PDS5A: variants seen among roughly 807,000 people sequenced by gnomAD.
The protein encoded by PDS5A is sister chromatid cohesion protein PDS5 homolog A.
Under a neutral mutation model 167.1 loss-of-function variants are expected in PDS5A, and 42 were observed. That is an observed-to-expected ratio of 0.25 (90% CI 0.20 to 0.33). The LOEUF (loss-of-function observed/expected upper bound fraction) is 0.33, where lower values mean the gene tolerates loss of function less well. Among genes scored for constraint, PDS5A ranks in the 10% least tolerant of loss-of-function variants. PDS5A has a pLI of 1.00. For missense variants in PDS5A, 1,033 were observed against 1,605.9 expected, an observed-to-expected ratio of 0.64 and a Z score of 6.10; for synonymous variants, 553 against 554.6, an observed-to-expected ratio of 1.00 and a Z score of 0.04.
chr4:39,914,802 T>C (rs1724206401), intron 8 of PDS5A, among the ~76,000 whole-genome samples: 1 of 152,192 alleles, frequency 6.6e-6, no homozygotes, highest in African/African-American at 2.4e-5. Flanking sequence ...CTGCTAATTT[T>C]TTTTAGGTGT....
At chr4:39,836,064 C>T (rs191931567) in intron 32 of PDS5A, among the ~76,000 whole-genome samples, 2 of 152,160 alleles carry the variant, frequency 1.3e-5, no homozygotes, top group African/African-American at 4.8e-5. Context: ...ACAATAGTAA[C>T]AATAACAGTT....
intron 12 of PDS5A, among the ~76,000 whole-genome samples, chr4:39,903,082 A>G (rs1156802378): frequency 1.3e-5 from 2 of 152,240 alleles, no homozygotes; most frequent in African/African-American, 4.8e-5. Flanking sequence ...AGCAGTCTAG[A>G]ACAAAAGCAA....
At position 39,837,880 on chromosome 4, in the gene PDS5A, G is replaced by C; in HGVS notation, c.3986C>G (p.Ala1329Gly). 6.2e-7 allele frequency: 1 copy of C among 1,610,946 alleles called. No individual in the cohort carries two copies. The highest frequency in any genetic ancestry group is 8.5e-7 in the Non-Finnish European group (1 of 1,178,934). ...CCTTTGTAAGTCAATTTGTCTTTCT[G>C]CTGGTGCTGCCTTTTTGGCTAAATC... ...LQDLAKKAAP[A>G]ERQIDLQR Residue 1329 changes from alanine to glycine, a missense_variant, in exon 32 of 33, where the codon GCA becomes GGA. Ala to Gly is a moderately conservative substitution (Grantham distance 60). Transcript: ENST00000303538.
chr4:39,927,966 G>C lies in PDS5A; in HGVS notation c.337C>G (p.Leu113Val). 6.2e-7 allele frequency: 1 copy of C among 1,609,408 alleles called. No individual in the cohort carries two copies. Among genetic ancestry groups the C allele is most frequent in the South Asian group, 1.1e-5 (1 of 90,982 alleles). The part of the protein sequence containing the change: ...PEAPYTSHDK[L>V]KDIFLFITRQ... ...GTGAAAAAGGCTGTATTTACCTTAA[G>C]TTTATCATGGGAAGTATATGGAGCT... The change falls in exon 3 of 33, where the codon CTT (leucine) becomes GTT (valine). Residue 113 changes from leucine (L) to valine (V), a missense_variant. By Grantham distance (32) the Leu-to-Val change is conservative (BLOSUM62 1). Coordinates refer to ENST00000303538, the MANE Select transcript of PDS5A (RefSeq NM_001100399.2).
chr4:39,863,940 C>T (rs1426960373), intron 23 of PDS5A, among the ~76,000 whole-genome samples: 5 of 152,034 alleles, frequency 3.3e-5, no homozygotes, highest in African/African-American at 1.2e-4. Context: ...ACCATCCTGG[C>T]CAACATGGTG....
At chr4:39,855,064 CA>C (rs1211106535) in intron 26 of PDS5A, among the ~76,000 whole-genome samples, 1 of 152,082 alleles carries the variant, frequency 6.6e-6, no homozygotes, top group Non-Finnish European at 1.5e-5. Context: ...TAAGAAATTT[CA>C]GATATCAATT....
chr4:39,842,575 T>C (rs574171764), intron 30 of PDS5A, among the ~76,000 whole-genome samples: 69 of 152,166 alleles, frequency 4.5e-4, no homozygotes, highest in Admixed American at 2.3e-3. Flanking sequence ...TGGTTGAGTT[T>C]ATTCTTAAGA....
chr4:39,934,171 C>T (rs1726354226), intron 2 of PDS5A, among the ~76,000 whole-genome samples: 1 of 152,104 alleles, frequency 6.6e-6, no homozygotes, highest in Non-Finnish European at 1.5e-5. Flanking sequence ...CTTAAGAGCT[C>T]CAGGGTGGCT....
intron 26 of PDS5A, among the ~76,000 whole-genome samples, chr4:39,857,605 C>T (rs924341505): frequency 6.6e-5 from 10 of 151,878 alleles, no homozygotes; most frequent in African/African-American, 2.4e-4. Context: ...AGATAAGTGG[C>T]TATTTTATTA....
chr4:39,826,817 T>TA (rs1476059640), intron 32 of PDS5A, among the ~76,000 whole-genome samples: 1 of 151,966 alleles, frequency 6.6e-6, no homozygotes, highest in Non-Finnish European at 1.5e-5. Context: ...TGATCAGTAG[T>TA]AAGACTGTCT....
chr4:39,956,536 AGAACT>A (rs1728942538), intron 2 of PDS5A, among the ~76,000 whole-genome samples: 1 of 151,802 alleles, frequency 6.6e-6, no homozygotes, highest in Non-Finnish European at 1.5e-5. Context: ...AGGAAATATG[AGAACT>A]GAACACAGCA....
At position 39,841,980 on chromosome 4, in the gene PDS5A, G is replaced by C; in HGVS notation, c.3625C>G (p.Pro1209Ala). 6.3e-7 allele frequency: 1 copy of C among 1,598,978 alleles called. No homozygotes were observed. The highest frequency in any genetic ancestry group is 8.6e-7 in the Non-Finnish European group (1 of 1,166,508). The stretch of plus-strand genomic sequence containing the variant: ...TTTACTGGGTCAATATTCTTTACAG[G>C]TGTGACTGAAATAATCCTCACAGGG... ...ENPVRIISVT[P>A]VKNIDPVKNK... The change falls in exon 31 of 33, where the codon CCT (proline) becomes GCT (alanine). Residue 1209 changes from proline to alanine, a missense_variant. By Grantham distance (27) the Pro-to-Ala change is conservative. Around this residue, in one of 4 missense-constraint regions of PDS5A, gnomAD observed 233 missense variants for 264.0 expected, o/e 0.88. Transcript: ENST00000303538.
At chr4:39,889,101 T>G (rs763810314) in intron 17 of PDS5A, among the ~76,000 whole-genome samples, 2 of 152,176 alleles carry the variant, frequency 1.3e-5, no homozygotes, top group Non-Finnish European at 2.9e-5. Flanking sequence ...TATTTAGAGA[T>G]AGGGCCTTTA....
At chr4:39,970,442 TAAAA>T (rs11345890) in intron 2 of PDS5A, among the ~76,000 whole-genome samples, 2 of 142,390 alleles carry the variant, frequency 1.4e-5, no homozygotes, top group East Asian at 2.0e-4. Context: ...CTCAAATGCT[TAAAA>T]AAAAAAAAAA....
chr4:39,840,706 T>C (rs1352834206), intron 31 of PDS5A, among the ~76,000 whole-genome samples: 2 of 152,098 alleles, frequency 1.3e-5, no homozygotes, highest in Non-Finnish European at 2.9e-5. Context: ...GCCTCCCGCA[T>C]AGCTGGGACT....
chr4:39,960,138 C>T (rs1729342532), intron 2 of PDS5A, among the ~76,000 whole-genome samples: 1 of 151,788 alleles, frequency 6.6e-6, no homozygotes, highest in Non-Finnish European at 1.5e-5. Context: ...GGCGTGGTGG[C>T]ACGCACCTGT....
intron 4 of PDS5A, among the ~76,000 whole-genome samples, chr4:39,926,249 C>T (rs934157857): frequency 1.5e-4 from 23 of 152,030 alleles, no homozygotes; most frequent in African/African-American, 5.5e-4. Context: ...AGGCCGGGCC[C>T]GGTGGCTCAC....
intron 25 of PDS5A, 25 bp from the exon 26 acceptor site, chr4:39,862,358 C>T (rs1290797513): frequency 1.8e-6 from 2 of 1,138,490 alleles, no homozygotes; most frequent in South Asian, 1.4e-5. Context: ...TTATTAAAAA[C>T]AACCTTTATA....
Position 39,844,711 on chromosome 4 carries a change from C to G in PDS5A, c.3493G>C (p.Gly1165Arg). ...PYVRSTGTETGSNINVNSELN... is the reference protein window; with the variant it reads ...PYVRSTGTETRSNINVNSELN... ...TCTGAATTTACATTAATATTGCTTC[C>G]AGTCTCAGTGCCAGTGCTTCTAACA... The change falls in exon 30 of 33, where the codon GGA becomes CGA. Residue 1165 changes from glycine (G) to arginine (R), a missense_variant. Around this residue, in one of 4 missense-constraint regions of PDS5A, gnomAD observed 233 missense variants for 264.0 expected, o/e 0.88. Transcript: ENST00000303538. 8 of 1,613,528 alleles carry G rather than the reference C, an allele frequency of 5.0e-6. No homozygotes were observed. The highest frequency in any genetic ancestry group is 6.8e-6 in the Non-Finnish European group (8 of 1,179,644).
Sources: gnomAD v4.1 joint callset for allele counts (sites outside exome capture counted in the v4.1 genomes callset) on GRCh38, gnomAD v4.1.1 for gene constraint, gnomAD v4.1.1 regional missense constraint, MANE v1.5 for transcripts, NCBI Gene and HGNC (gene_info 2026-07-23, HGNC 2026-07-21) for gene names.